RAB38: variants seen among roughly 807,000 people sequenced by gnomAD.
RAB38 encodes ras-related protein Rab-38.
In RAB38, 15 loss-of-function variants were observed where a neutral mutation model predicts 18.4. That is an observed-to-expected ratio of 0.82 (90% CI 0.55 to 1.26). The LOEUF is 1.26. Ranked by LOEUF, RAB38 falls within the 50% of genes most tolerant of loss-of-function variation. The pLI, the probability that RAB38 is intolerant of heterozygous loss-of-function variation, is 0.00. For synonymous variants in RAB38, 101 were observed against 104.4 expected (o/e 0.97, Z 0.20); for missense variants, 294 against 267.4 (o/e 1.10, Z -0.69).
At chr11:87,866,534 TC>T in the RAB38 span, among the ~76,000 whole-genome samples, 6 of 151,756 alleles carry the variant, frequency 4.0e-5, no homozygotes, top group Non-Finnish European at 8.8e-5. Context: ...TTAGCTGCTT[TC>T]TGGAGTCTTG....
At chr11:87,934,668 T>C in the RAB38 span, among the ~76,000 whole-genome samples, 1 of 152,118 alleles carries the variant, frequency 6.6e-6, no homozygotes, top group Non-Finnish European at 1.5e-5. Flanking sequence ...CTACCACTTG[T>C]CTCCATCTGT....
At chr11:87,824,616 G>A in the RAB38 span, among the ~76,000 whole-genome samples, 2 of 152,072 alleles carry the variant, frequency 1.3e-5, no homozygotes, top group Non-Finnish European at 2.9e-5. Context: ...TTAAGAGAGA[G>A]CTTCTGGAAA....
the RAB38 span, among the ~76,000 whole-genome samples, chr11:87,952,650 G>C: frequency 6.6e-6 from 1 of 152,152 alleles, no homozygotes; most frequent in Non-Finnish European, 1.5e-5. Flanking sequence ...ATAGGGTTCA[G>C]TACTATGCAT....
chr11:88,106,549 T>C, the RAB38 span, among the ~76,000 whole-genome samples: 1 of 152,186 alleles, frequency 6.6e-6, no homozygotes, highest in East Asian at 1.9e-4. Context: ...TTCCAGAGTC[T>C]TATGTCTACC....
the RAB38 span, among the ~76,000 whole-genome samples, chr11:88,014,733 T>C: frequency 6.6e-6 from 1 of 152,108 alleles, no homozygotes; most frequent in African/African-American, 2.4e-5. Context: ...ATTACCTGCA[T>C]ACTGATTGGC....
chr11:88,128,363 A>G (rs1221170668), intron 2 of RAB38, among the ~76,000 whole-genome samples: 1 of 152,234 alleles, frequency 6.6e-6, no homozygotes, highest in Admixed American at 6.5e-5. Flanking sequence ...AATGGGAAAG[A>G]TTTCTCAAAT....
chr11:88,069,221 T>C, the RAB38 span, among the ~76,000 whole-genome samples: 1 of 152,080 alleles, frequency 6.6e-6, no homozygotes, highest in Non-Finnish European at 1.5e-5. Context: ...GGGTGCCGGG[T>C]CCCCCAGCAC....
chr11:88,139,858 C>T (rs894794045), intron 2 of RAB38, among the ~76,000 whole-genome samples: 2 of 152,134 alleles, frequency 1.3e-5, no homozygotes, highest in African/African-American at 2.4e-5. Context: ...CCTGGTCTCA[C>T]CAATGAAAAT....
the RAB38 span, among the ~76,000 whole-genome samples, chr11:87,809,382 A>G: frequency 6.6e-6 from 1 of 152,220 alleles, no homozygotes; most frequent in African/African-American, 2.4e-5. Context: ...TTCAAATGTG[A>G]TAGACAGGAA....
the RAB38 span, among the ~76,000 whole-genome samples, chr11:87,839,700 T>C: frequency 6.6e-6 from 1 of 152,208 alleles, no homozygotes; most frequent in Non-Finnish European, 1.5e-5. Flanking sequence ...AGAAACTCTC[T>C]TAATATGGTG....
At chr11:87,823,756 A>G in the RAB38 span, among the ~76,000 whole-genome samples, 124 of 152,300 alleles carry the variant, frequency 8.1e-4, no homozygotes, top group African/African-American at 2.8e-3. Flanking sequence ...ATGCTCATCA[A>G]TAGATGAACC....
chr11:87,913,237 T>G, the RAB38 span, among the ~76,000 whole-genome samples: 1 of 152,118 alleles, frequency 6.6e-6, no homozygotes, highest in African/African-American at 2.4e-5. Context: ...TCAAGTCTTC[T>G]GTGTCTTTAT....
At chr11:87,906,199 C>G in the RAB38 span, among the ~76,000 whole-genome samples, 5 of 151,976 alleles carry the variant, frequency 3.3e-5, no homozygotes, top group Admixed American at 2.0e-4. Context: ...CAGGAGTCCT[C>G]TCCCACCCAT....
the RAB38 span, among the ~76,000 whole-genome samples, chr11:87,938,215 T>C: frequency 6.6e-6 from 1 of 152,082 alleles, no homozygotes; most frequent in African/African-American, 2.4e-5. Flanking sequence ...CAGCTTTTCA[T>C]GGGATCTTTC....
At chr11:87,872,457 T>A in the RAB38 span, among the ~76,000 whole-genome samples, 1 of 151,678 alleles carries the variant, frequency 6.6e-6, no homozygotes, top group East Asian at 2.0e-4. Context: ...CATGTCATTA[T>A]AAATTAAAGT....
the RAB38 span, among the ~76,000 whole-genome samples, chr11:87,904,020 T>A: frequency 0.024 from 3,615 of 151,826 alleles, 137 homozygotes; most frequent in African/African-American, 0.082. Flanking sequence ...CTATTTATTT[T>A]ATGGAATTGT....
chr11:87,894,110 G>C, the RAB38 span, among the ~76,000 whole-genome samples: 2 of 151,588 alleles, frequency 1.3e-5, no homozygotes, highest in African/African-American at 4.8e-5. Flanking sequence ...TTTCATAGTT[G>C]TCAATGTGTA....
chr11:88,012,649 C>T, the RAB38 span, among the ~76,000 whole-genome samples: 2 of 152,078 alleles, frequency 1.3e-5, no homozygotes, highest in Non-Finnish European at 1.5e-5. Flanking sequence ...AAATTACATG[C>T]TCAGCAAATT....
At chr11:88,017,333 G>A in the RAB38 span, among the ~76,000 whole-genome samples, 1 of 149,120 alleles carries the variant, frequency 6.7e-6, no homozygotes, top group South Asian at 2.1e-4. Context: ...CAAATTAGTT[G>A]GTAATAAAGG....
Sources: gnomAD v4.1 joint callset for allele counts (sites outside exome capture counted in the v4.1 genomes callset) on GRCh38, gnomAD v4.1.1 for gene constraint, MANE v1.5 for transcripts, NCBI Gene and HGNC (gene_info 2026-07-23, HGNC 2026-07-21) for gene names.